Variants in ADAP2 observed in about 807,000 individuals in gnomAD.
The protein encoded by ADAP2 is arf-GAP with dual PH domain-containing protein 2.
ADAP2 carries 42 observed loss-of-function variants against 54.9 expected under a neutral mutation model. The observed-to-expected ratio is 0.77, with a 90% CI of 0.60 to 0.99. The LOEUF is 0.99. Among genes scored for constraint, ADAP2 ranks in the 50% least tolerant of loss-of-function variants. The pLI is 0.00. For missense variants in ADAP2, 429 were observed against 480.4 expected, an observed-to-expected ratio of 0.89 and a Z score of 1.00; for synonymous variants, 177 against 180.1, an observed-to-expected ratio of 0.98 and a Z score of 0.14.
intron 2 of ADAP2, among the ~76,000 whole-genome samples, chr17:30,925,183 A>ATTTTTT (rs57259969): frequency 3.1e-5 from 3 of 98,146 alleles, no homozygotes; most frequent in African/African-American, 4.2e-5. Flanking sequence ...CGTGCCCAGC[A>ATTTTTT]TTTTTTTTTT....
At chr17:30,934,855 G>A (rs551030522) in intron 5 of ADAP2, among the ~76,000 whole-genome samples, 1 of 151,996 alleles carries the variant, frequency 6.6e-6, no homozygotes, top group South Asian at 2.1e-4. Flanking sequence ...GCAACATGGT[G>A]AAGCCCCATC....
chr17:30,927,660 C>T (rs940694044), intron 3 of ADAP2, among the ~76,000 whole-genome samples: 1 of 151,732 alleles, frequency 6.6e-6, no homozygotes, highest in African/African-American at 2.4e-5. Flanking sequence ...AGGGCTCTGC[C>T]ACCTAAGCTC....
At chr17:30,953,439 GT>G (rs1365743010) in intron 8 of ADAP2, 89 bp downstream of exon 8, 19 of 1,409,628 alleles carry the variant, frequency 1.3e-5, no homozygotes, top group Non-Finnish European at 1.6e-5. Flanking sequence ...TAAGAGGACA[GT>G]GAAAGGTGTT....
rs575755543 is a variant in ADAP2 at position 30,928,218 on chromosome 17, G to A, written c.317+1300G>A. Among the ~76,000 whole-genome samples the A allele has an allele frequency of 1.5e-4, 22 of 146,866 alleles. No individual in the cohort carries two copies. In the East Asian group the frequency reaches 2.8e-3, roughly 19 times the overall value. ...AAAAAAAAAAAAAAAAAAAAAGGCC[G>A]GATGTGGCGGCTCACACCTGTAATC... is the stretch of plus-strand genomic sequence containing the variant. On this transcript the variant is annotated intron_variant, in intron 3 of 10. Transcript: ENST00000330889.
intron 5 of ADAP2, among the ~76,000 whole-genome samples, chr17:30,942,140 G>A (rs897940999): frequency 1.7e-4 from 26 of 152,194 alleles, no homozygotes; most frequent in African/African-American, 6.0e-4. Context: ...TCTCAACCTC[G>A]TGATCCACCT....
Position 30,956,439 on chromosome 17 carries a change from T to C in ADAP2, c.1081T>C (p.Ser361Pro). Reference protein sequence around the residue: ...EWLESLRGVLSSPLTPLNRLT... With the variant: ...EWLESLRGVLPSPLTPLNRLT... ...GCTGGAAAGTTTGCGGGGTGTCCTG[T>C]CCAGCCCCTTGACGCCCCTCAACCG... The change falls in exon 10 of 11, where the codon TCC (serine) becomes CCC (proline). Residue 361 changes from serine (S) to proline (P), a missense_variant. Ser to Pro is a moderately conservative substitution (Grantham distance 74). Transcript: ENST00000330889. The C allele has an allele frequency of 1.2e-6, 2 of 1,614,174 alleles. No individual in the cohort carries two copies. The highest frequency in any genetic ancestry group is 1.7e-6 in the Non-Finnish European group (2 of 1,180,040).
At chr17:30,933,219 ACT>A (rs1404227848) in intron 4 of ADAP2, among the ~76,000 whole-genome samples, 16 of 152,152 alleles carry the variant, frequency 1.1e-4, no homozygotes, top group African/African-American at 3.4e-4. Context: ...TCAGGGTCTC[ACT>A]CTGTTACCCA....
Position 30,956,127 on chromosome 17 carries a change from T to A in ADAP2, c.883-114T>A, listed in dbSNP as rs142886548. 59 of 820,988 alleles carry A rather than the reference T, an allele frequency of 7.2e-5. No homozygotes were observed. In the East Asian group the frequency reaches 1.5e-3, roughly 21 times the overall value. The allele number at this position is 820,988 out of a possible 1,614,324, so 50.9% of individuals were successfully genotyped here. ...AATTCTGGGTCCCACTTAGCAGAAA[T>A]CCCAGCAGGGACCTCATACCCCTTT... On this transcript the variant is annotated intron_variant, in intron 9 of 10. Transcript: ENST00000330889.
At chr17:30,947,695 C>T (rs1482621311) in intron 6 of ADAP2, among the ~76,000 whole-genome samples, 2 of 152,148 alleles carry the variant, frequency 1.3e-5, no homozygotes, top group Non-Finnish European at 2.9e-5. Context: ...GCACAGATCC[C>T]TGGAATACTA....
chr17:30,953,640 G>T (rs2142592971), intron 8 of ADAP2, among the ~76,000 whole-genome samples: 1 of 152,084 alleles, frequency 6.6e-6, no homozygotes, highest in Middle Eastern at 3.4e-3. Context: ...AGATTCAAGC[G>T]ATTCTCCTGC....
At chr17:30,943,182 A>G (rs190257960) in intron 5 of ADAP2, among the ~76,000 whole-genome samples, 1 of 152,184 alleles carries the variant, frequency 6.6e-6, no homozygotes, top group East Asian at 1.9e-4. Context: ...CCTGACCAAC[A>G]TGGAGAAACC....
At chr17:30,933,533 T>C (rs1384691745) in intron 4 of ADAP2, among the ~76,000 whole-genome samples, 2 of 152,090 alleles carry the variant, frequency 1.3e-5, no homozygotes, top group Non-Finnish European at 1.5e-5. Context: ...GGAGTCTCAC[T>C]GTGTCACCCA....
intron 2 of ADAP2, among the ~76,000 whole-genome samples, chr17:30,926,454 A>G (rs749427928): frequency 6.6e-6 from 1 of 152,138 alleles, no homozygotes; most frequent in African/African-American, 2.4e-5. Context: ...GAAGAATATG[A>G]GCTTTGGAGT....
chr17:30,954,321 G>A lies in ADAP2; in HGVS notation c.805-157G>A, dbSNP rs554605859. The A allele has an allele frequency of 9.0e-6, 6 of 666,440 alleles. No individual in the cohort carries two copies. The East Asian group carries it at 1.3e-4, about 14-fold the overall frequency. The allele number at this position is 666,440 out of a possible 1,614,324, so 41.3% of individuals were successfully genotyped here. ...TTCAGAGCCTGAGGGCTCCTATCCA[G>A]GCCCCAGGGAGAAGCACTAGGATGT... is the stretch of plus-strand genomic sequence containing the variant. On this transcript the variant is annotated intron_variant, in intron 8 of 10. Transcript: ENST00000330889.
In ADAP2 at chr17:30,931,905, T is replaced by C; in HGVS notation, c.334T>C (p.Trp112Arg). ...TCTTTTTAGGGTCTTAAAGGAACAA[T>C]GGATTCGAGCTAAGTATGAGAGACG... ...ANDCLVLKEQ[W>R]IRAKYERREF... The change falls in exon 4 of 11, where the codon TGG becomes CGG. Residue 112 changes from tryptophan (W) to arginine (R), a missense_variant. Trp to Arg is a moderately radical substitution (Grantham distance 101). Transcript: ENST00000330889. The C allele has an allele frequency of 6.2e-7, 1 of 1,613,112 alleles. No individual in the cohort carries two copies. Among genetic ancestry groups the C allele is most frequent in the Non-Finnish European group, 8.5e-7 (1 of 1,179,698 alleles).
intron 3 of ADAP2, 42 bp from the exon 4 acceptor site, chr17:30,931,847 G>C (rs749490769): frequency 3.0e-6 from 4 of 1,344,186 alleles, no homozygotes; most frequent in Non-Finnish European, 4.2e-6. Context: ...AAAAAAAAGA[G>C]AATGCATCAA....
chr17:30,954,199 A>G (rs1904888264), intron 8 of ADAP2: 1 of 318,586 alleles, frequency 3.1e-6, no homozygotes, highest in African/African-American at 2.1e-5. Context: ...TTCTTTGTCT[A>G]CAGCCTGAAA....
chr17:30,922,243 T>G, intron 1 of ADAP2, 135 bp downstream of exon 1: 1 of 388,968 alleles, frequency 2.6e-6, no homozygotes, highest in Non-Finnish European at 3.5e-6. Context: ...CCCCGACCCC[T>G]CCCACCCACA....
At position 30,956,427 on chromosome 17, in the gene ADAP2, C is replaced by T. The variant is rs758367799; in HGVS notation, c.1069C>T (p.Arg357Trp). ...KEQQEWLESL[R>W]GVLSSPLTPL... is the part of the protein sequence containing the mutation. The stretch of plus-strand genomic sequence containing the variant: ...ACAGCAGGAATGGCTGGAAAGTTTG[C>T]GGGGTGTCCTGTCCAGCCCCTTGAC... The change falls in exon 10 of 11, where the codon CGG becomes TGG. Residue 357 changes from arginine to tryptophan, a missense_variant. By Grantham distance (101) the Arg-to-Trp change is moderately radical. Coordinates refer to ENST00000330889, the MANE Select transcript of ADAP2 (RefSeq NM_018404.3). 25 of 1,614,032 alleles carry T rather than the reference C, an allele frequency of 1.5e-5. No homozygotes were observed. The highest frequency in any genetic ancestry group is 5.0e-5 in the Admixed American group (3 of 59,990).
Sources: gnomAD v4.1 joint callset for allele counts (sites outside exome capture counted in the v4.1 genomes callset) on GRCh38, gnomAD v4.1.1 for gene constraint, MANE v1.5 for transcripts, NCBI Gene and HGNC (gene_info 2026-07-23, HGNC 2026-07-21) for gene names.